CACNA2D3: variants seen among roughly 807,000 people sequenced by gnomAD.
CACNA2D3 encodes the protein calcium voltage-gated channel auxiliary subunit alpha2delta 3, also known as voltage-dependent calcium channel subunit alpha-2/delta-3.
A neutral mutation model predicts 160.6 loss-of-function variants in CACNA2D3; 60 were observed. That is an observed-to-expected ratio of 0.37 (90% CI 0.30 to 0.46). CACNA2D3 has a LOEUF of 0.46. Among genes scored for constraint, CACNA2D3 ranks in the 20% least tolerant of loss-of-function variants. The pLI is 1.00. For synonymous variants in CACNA2D3, 558 were observed against 492.9 expected (o/e 1.13, Z -1.75); for missense variants, 1,205 against 1,365.0 (o/e 0.88, Z 1.85).
chr3:54,688,605 T>C (rs990147071), intron 11 of CACNA2D3, among the ~76,000 whole-genome samples: 5 of 151,868 alleles, frequency 3.3e-5, no homozygotes, highest in African/African-American at 1.2e-4. Flanking sequence ...AAATGGGCTC[T>C]GAGGACAGTT....
intron 35 of CACNA2D3, among the ~76,000 whole-genome samples, chr3:55,054,971 C>T (rs2107212071): frequency 6.6e-6 from 1 of 152,088 alleles, no homozygotes; most frequent in South Asian, 2.1e-4. Context: ...AAACTTTTCT[C>T]CTTTATCATG....
chr3:54,730,429 T>C (rs964512841), intron 11 of CACNA2D3, among the ~76,000 whole-genome samples: 1 of 152,224 alleles, frequency 6.6e-6, no homozygotes, highest in Non-Finnish European at 1.5e-5. Flanking sequence ...GCCTAACTAA[T>C]GGAAATGGTC....
chr3:54,255,625 T>C (rs1323897546), intron 2 of CACNA2D3, among the ~76,000 whole-genome samples: 1 of 152,174 alleles, frequency 6.6e-6, no homozygotes, highest in Admixed American at 6.5e-5. Context: ...AAGTCCAGCA[T>C]GAGACTCCCA....
chr3:54,217,390 G>T (rs915427567), intron 2 of CACNA2D3, among the ~76,000 whole-genome samples: 1 of 152,172 alleles, frequency 6.6e-6, no homozygotes, highest in African/African-American at 2.4e-5. Context: ...ACCATAGTAG[G>T]CTGGACATGA....
intron 35 of CACNA2D3, among the ~76,000 whole-genome samples, chr3:55,040,641 T>C (rs765292728): frequency 1.3e-5 from 2 of 152,152 alleles, no homozygotes; most frequent in African/African-American, 4.8e-5. Context: ...TCTATGATCA[T>C]GCCACTGTGC....
chr3:54,877,927 C>T lies in CACNA2D3; in HGVS notation c.1711-1091C>T, dbSNP rs144254693. ...TAGACTTAATTAGGACCAGCTCTCC[C>T]TGTCCAAAACCACAAAAGTTAAAAT... On this transcript the variant is annotated intron_variant, in intron 18 of 37. Coordinates refer to ENST00000474759, the MANE Select transcript of CACNA2D3 (RefSeq NM_018398.3). Among the ~76,000 whole-genome samples, 49 of 152,288 alleles carry T rather than the reference C, an allele frequency of 3.2e-4. No individual in the cohort carries two copies. The East Asian group carries it at 8.3e-3, about 26-fold the overall frequency.
At chr3:55,043,891 C>G (rs1704015874) in intron 35 of CACNA2D3, among the ~76,000 whole-genome samples, 2 of 152,288 alleles carry the variant, frequency 1.3e-5, no homozygotes, top group South Asian at 4.1e-4. Flanking sequence ...TCTCCACTGA[C>G]TTGCCTTTGA....
chr3:54,768,721 T>C (rs1194030525), intron 13 of CACNA2D3, among the ~76,000 whole-genome samples: 1 of 152,240 alleles, frequency 6.6e-6, no homozygotes, highest in East Asian at 1.9e-4. Context: ...AAACTTGGTA[T>C]GCCAAGATGA....
chr3:54,788,048 G>T (rs973983074), intron 13 of CACNA2D3, among the ~76,000 whole-genome samples: 1 of 152,078 alleles, frequency 6.6e-6, no homozygotes, highest in South Asian at 2.1e-4. Context: ...TCTGATGGCC[G>T]CCATTTTATA....
chr3:54,499,619 T>G (rs1405581317), intron 4 of CACNA2D3, among the ~76,000 whole-genome samples: 1 of 152,166 alleles, frequency 6.6e-6, no homozygotes, highest in Non-Finnish European at 1.5e-5. Flanking sequence ...TTCATTTTAA[T>G]TTTTAAAAAA....
intron 27 of CACNA2D3, among the ~76,000 whole-genome samples, chr3:54,902,714 A>G (rs1451836207): frequency 3.3e-5 from 5 of 152,196 alleles, no homozygotes. Flanking sequence ...GCAGTTTGTC[A>G]TTCACTCTAT....
intron 17 of CACNA2D3, among the ~76,000 whole-genome samples, chr3:54,864,238 G>A (rs776709754): frequency 1.3e-4 from 19 of 151,834 alleles, no homozygotes; most frequent in Non-Finnish European, 2.4e-4. Context: ...GCATATTGCT[G>A]CTTAACTCAC....
Position 54,289,986 on chromosome 3 carries a change from A to C in CACNA2D3, c.205-30456A>C, listed in dbSNP as rs550796737. ...GAAAACGTAGGCATTACCATTCAGGACATAGGCATGGGCAAGGACTTCATG... is the reference window on the plus strand; with the variant it reads ...GAAAACGTAGGCATTACCATTCAGGCCATAGGCATGGGCAAGGACTTCATG... On this transcript the variant is annotated intron_variant, in intron 2 of 37. Transcript: ENST00000474759. Among the ~76,000 whole-genome samples the C allele has an allele frequency of 4.0e-5, 6 of 151,640 alleles. No individual in the cohort carries two copies. The East Asian group carries it at 7.8e-4, about 20-fold the overall frequency.
At chr3:54,468,554 C>T (rs186766168) in intron 4 of CACNA2D3, among the ~76,000 whole-genome samples, 17 of 152,232 alleles carry the variant, frequency 1.1e-4, no homozygotes, top group East Asian at 5.8e-4. Flanking sequence ...GTCCCCGTGG[C>T]GCCTGGAATG....
chr3:54,526,083 T>G (rs1394979664), intron 5 of CACNA2D3, among the ~76,000 whole-genome samples: 2 of 152,088 alleles, frequency 1.3e-5, no homozygotes, highest in African/African-American at 4.8e-5. Context: ...TTCTTCTTCC[T>G]CCAGTTCAAA....
chr3:54,667,077 G>C (rs2106891152), intron 11 of CACNA2D3, among the ~76,000 whole-genome samples: 1 of 152,262 alleles, frequency 6.6e-6, no homozygotes, highest in Non-Finnish European at 1.5e-5. Flanking sequence ...GCTCATTCCA[G>C]CTTAAATTCC....
intron 14 of CACNA2D3, among the ~76,000 whole-genome samples, chr3:54,835,308 G>T (rs1698654865): frequency 1.3e-5 from 2 of 152,142 alleles, no homozygotes; most frequent in Non-Finnish European, 2.9e-5. Flanking sequence ...GGAAAGGATT[G>T]CCCTATACGA....
intron 11 of CACNA2D3, among the ~76,000 whole-genome samples, chr3:54,732,337 C>T (rs1187429487): frequency 6.6e-6 from 1 of 152,212 alleles, no homozygotes; most frequent in African/African-American, 2.4e-5. Context: ...CTTACAGATC[C>T]AATGAGAGAA....
chr3:54,367,762 G>T (rs1014361691), intron 3 of CACNA2D3: 1 of 161,628 alleles, frequency 6.2e-6, no homozygotes, highest in African/African-American at 2.4e-5. Context: ...TGTTTTCCCA[G>T]AGTTTTTTGG....
Sources: gnomAD v4.1 joint callset for allele counts (sites outside exome capture counted in the v4.1 genomes callset) on GRCh38, gnomAD v4.1.1 for gene constraint, MANE v1.5 for transcripts, NCBI Gene and HGNC (gene_info 2026-07-23, HGNC 2026-07-21) for gene names.